The following SNTG1 variants were observed in gnomAD, a reference collection of about 807,000 sequenced individuals.
SNTG1 encodes the protein gamma-1-syntrophin.
Under a neutral mutation model 74.7 loss-of-function variants are expected in SNTG1, and 39 were observed. The observed-to-expected ratio is 0.52, with a 90% CI of 0.40 to 0.68. SNTG1 has a LOEUF of 0.68. Among genes scored for constraint, SNTG1 ranks in the 30% least tolerant of loss-of-function variants. The pLI is 0.00. For synonymous variants in SNTG1, 254 were observed against 217.1 expected (o/e 1.17, Z -1.49); for missense variants, 685 against 609.5 (o/e 1.12, Z -1.30).
At chr8:50,406,753 A>G (rs1362156821) in intron 4 of SNTG1, among the ~76,000 whole-genome samples, 3 of 152,168 alleles carry the variant, frequency 2.0e-5, no homozygotes, top group African/African-American at 7.2e-5. Context: ...TATCATCGAA[A>G]GGTATTGAAG....
At chr8:50,542,243 AC>A (rs1222349980) in intron 11 of SNTG1, among the ~76,000 whole-genome samples, 2 of 146,312 alleles carry the variant, frequency 1.4e-5, no homozygotes, top group African/African-American at 2.5e-5. Context: ...TGCAACCTCC[AC>A]CCCCGGGTTC....
chr8:50,628,307 T>G (rs2094971118), intron 13 of SNTG1, among the ~76,000 whole-genome samples: 1 of 152,206 alleles, frequency 6.6e-6, no homozygotes. Context: ...AGCCTCGGAA[T>G]TGATTTTTCC....
chr8:49,934,938 G>C (rs1807921706), intron 1 of SNTG1, among the ~76,000 whole-genome samples: 1 of 152,020 alleles, frequency 6.6e-6, no homozygotes, highest in African/African-American at 2.4e-5. Context: ...AGGGAAAAAT[G>C]TTAAACATAT....
chr8:50,038,685 G>A (rs899306684), intron 1 of SNTG1, among the ~76,000 whole-genome samples: 2 of 152,084 alleles, frequency 1.3e-5, no homozygotes, highest in Non-Finnish European at 2.9e-5. Context: ...ATCCTAAAAA[G>A]GATAATTCTA....
Position 50,658,597 on chromosome 8 carries a change from C to G in SNTG1, c.972C>G (p.Thr324=), listed in dbSNP as rs1381905722. The change falls in exon 15 of 19, where the codon ACC becomes ACG. Residue 324 remains threonine, a synonymous_variant. Coordinates refer to ENST00000642720, the MANE Select transcript of SNTG1 (RefSeq NM_018967.5). ...TATTTTCTTATCTTTTAAAGGTGACCACCTGGGACTGGACGAGAGCAGAGA... is the reference window on the plus strand; with the variant it reads ...TATTTTCTTATCTTTTAAAGGTGACGACCTGGGACTGGACGAGAGCAGAGA... The part of the protein sequence containing the change: ...CLYKFLAPPV[T]TWDWTRAEKT... The G allele has an allele frequency of 3.1e-6, 5 of 1,600,686 alleles. No individual in the cohort carries two copies. Among genetic ancestry groups the G allele is most frequent in the Non-Finnish European group, 4.3e-6 (5 of 1,171,346 alleles).
At chr8:50,140,254 G>C (rs1185438337) in intron 1 of SNTG1, among the ~76,000 whole-genome samples, 1 of 152,092 alleles carries the variant, frequency 6.6e-6, no homozygotes, top group East Asian at 1.9e-4. Flanking sequence ...AGTTGAGAAG[G>C]GTTTCTGGAA....
At chr8:50,544,352 A>C (rs2094370598) in intron 11 of SNTG1, among the ~76,000 whole-genome samples, 1 of 151,996 alleles carries the variant, frequency 6.6e-6, no homozygotes, top group Admixed American at 6.6e-5. Context: ...CGTATGTTAG[A>C]TATTTCAAAA....
At chr8:49,989,637 A>G (rs1813494631) in intron 1 of SNTG1, among the ~76,000 whole-genome samples, 1 of 151,968 alleles carries the variant, frequency 6.6e-6, no homozygotes, top group African/African-American at 2.4e-5. Context: ...AAAACCAGGC[A>G]AAAACATTAA....
chr8:50,041,207 GTAGTTAAAATAAAA>G (rs1476068516), intron 1 of SNTG1, among the ~76,000 whole-genome samples: 2 of 152,000 alleles, frequency 1.3e-5, no homozygotes, highest in Non-Finnish European at 2.9e-5. Flanking sequence ...AGGAGCATTT[GTAGTTAAAATAAAA>G]TAGTATTATT....
intron 1 of SNTG1, among the ~76,000 whole-genome samples, chr8:50,157,517 A>T (rs1477062703): frequency 6.6e-6 from 1 of 152,156 alleles, no homozygotes; most frequent in South Asian, 2.1e-4. Flanking sequence ...TTCAACACAC[A>T]ATTAAAAACT....
intron 1 of SNTG1, among the ~76,000 whole-genome samples, chr8:50,168,098 T>C (rs562436914): frequency 6.6e-6 from 1 of 152,284 alleles, no homozygotes; most frequent in South Asian, 2.1e-4. Context: ...ATTCCTTTAA[T>C]TTGTATGATA....
At chr8:50,688,263 A>T (rs1280687484) in intron 15 of SNTG1, among the ~76,000 whole-genome samples, 2 of 152,144 alleles carry the variant, frequency 1.3e-5, no homozygotes, top group African/African-American at 2.4e-5. Context: ...TAGTTTAATT[A>T]GATCCCATTT....
At chr8:50,716,937 C>T (rs189517555) in intron 17 of SNTG1, among the ~76,000 whole-genome samples, 12 of 152,008 alleles carry the variant, frequency 7.9e-5, no homozygotes, top group Middle Eastern at 3.4e-3. Context: ...TAAGTTTCAC[C>T]GTGTTAGCTA....
At chr8:50,229,298 T>C (rs995238882) in intron 2 of SNTG1, among the ~76,000 whole-genome samples, 6 of 151,542 alleles carry the variant, frequency 4.0e-5, no homozygotes, top group Non-Finnish European at 7.4e-5. Flanking sequence ...ACATACCAAT[T>C]AAAAGACAGT....
intron 2 of SNTG1, among the ~76,000 whole-genome samples, chr8:50,286,096 C>T (rs1030992183): frequency 2.0e-5 from 3 of 151,182 alleles, no homozygotes; most frequent in African/African-American, 7.3e-5. Flanking sequence ...TATAACTTCT[C>T]TTTTTCCTAT....
intron 2 of SNTG1, among the ~76,000 whole-genome samples, chr8:50,269,863 T>G (rs140678415): frequency 6.6e-6 from 1 of 152,166 alleles, no homozygotes; most frequent in African/African-American, 2.4e-5. Context: ...ACACATTTAC[T>G]CTATGAGCTT....
intron 9 of SNTG1, among the ~76,000 whole-genome samples, chr8:50,519,208 T>C (rs1268791752): frequency 6.6e-6 from 1 of 152,134 alleles, no homozygotes; most frequent in Non-Finnish European, 1.5e-5. Context: ...AAAAACCACA[T>C]AATTATCTCA....
chr8:50,774,267 C>T (rs1455585226), intron 18 of SNTG1, among the ~76,000 whole-genome samples: 1 of 151,754 alleles, frequency 6.6e-6, no homozygotes, highest in African/African-American at 2.4e-5. Flanking sequence ...ATTTGAAGAG[C>T]TCAGTGAACT....
At chr8:50,336,917 C>T (rs1315489008) in intron 2 of SNTG1, among the ~76,000 whole-genome samples, 1 of 152,118 alleles carries the variant, frequency 6.6e-6, no homozygotes, top group East Asian at 1.9e-4. Flanking sequence ...TTCTTTACTA[C>T]TATATGTCTG....
Sources: allele counts gnomAD v4.1 joint callset (sites outside exome capture counted in the v4.1 genomes callset), GRCh38; gene constraint gnomAD v4.1.1; transcripts MANE v1.5; gene names NCBI Gene and HGNC (gene_info 2026-07-23, HGNC 2026-07-21).